The following DLG2 variants were observed in gnomAD, a reference collection of about 807,000 sequenced individuals.
DLG2 encodes discs large MAGUK scaffold protein 2.
Under a neutral mutation model 132.5 loss-of-function variants are expected in DLG2, and 45 were observed. The ratio of observed to expected loss-of-function variants is 0.34; its 90% CI spans 0.27 to 0.44. DLG2 has a LOEUF of 0.44. DLG2 is among the 20% of genes least tolerant of loss of function. The pLI is 1.00. For synonymous variants in DLG2, 424 were observed against 419.6 expected (o/e 1.01, Z -0.13); for missense variants, 1,045 against 1,196.9 (o/e 0.87, Z 1.87).
intron 4 of DLG2, among the ~76,000 whole-genome samples, chr11:85,174,392 A>G (rs2079078576): frequency 6.6e-6 from 1 of 152,222 alleles, no homozygotes; most frequent in African/African-American, 2.4e-5. Context: ...AATGAAATTA[A>G]GGTAGAAATC....
chr11:85,222,417 C>T (rs188183671), intron 4 of DLG2, among the ~76,000 whole-genome samples: 3 of 152,140 alleles, frequency 2.0e-5, no homozygotes, highest in African/African-American at 7.2e-5. Flanking sequence ...GAAAAAACAC[C>T]CACTCTTCTG....
At chr11:85,333,888 G>GTT (rs371521327) in intron 3 of DLG2, among the ~76,000 whole-genome samples, 1 of 144,606 alleles carries the variant, frequency 6.9e-6, no homozygotes. Flanking sequence ...CCTGAAGTTG[G>GTT]TTTTTTTTTT....
chr11:84,140,900 T>C (rs1335054101), intron 9 of DLG2, among the ~76,000 whole-genome samples: 2 of 152,152 alleles, frequency 1.3e-5, no homozygotes, highest in South Asian at 2.1e-4. Flanking sequence ...GGTCACATCT[T>C]AGTGATTTAA....
Position 83,541,753 on chromosome 11 carries a change from C to T in DLG2, c.2046G>A (p.Glu682=), listed in dbSNP as rs780704713. Residue 682 remains glutamate, a synonymous_variant, in exon 20 of 28, where the codon GAG becomes GAA. Coordinates refer to ENST00000376104, the MANE Select transcript of DLG2 (RefSeq NM_001142699.3). ...GCATGACTCTCCTGGCTTGCCACCA[C>T]TCATCATCAGAGGCATTGATAACGT... ...ILHVINASDD[E]WWQARRVMLE... The T allele has an allele frequency of 1.2e-6, 2 of 1,613,348 alleles. No homozygotes were observed. The highest frequency in any genetic ancestry group is 1.3e-5 in the African/African-American group (1 of 74,866).
intron 5 of DLG2, among the ~76,000 whole-genome samples, chr11:85,137,752 C>T (rs61907832): frequency 0.11 from 16,563 of 152,154 alleles, 1,171 homozygotes; most frequent in South Asian, 0.23. Context: ...CTATCCCTGT[C>T]TATCTGTTCC....
intron 18 of DLG2, among the ~76,000 whole-genome samples, chr11:83,683,874 T>C (rs781100949): frequency 2.0e-5 from 3 of 152,106 alleles, no homozygotes; most frequent in African/African-American, 2.4e-5. Context: ...AGATGGGCTT[T>C]CTATAAGAGA....
At chr11:84,879,483 G>A (rs975071446) in intron 6 of DLG2, among the ~76,000 whole-genome samples, 3 of 152,130 alleles carry the variant, frequency 2.0e-5, no homozygotes, top group Admixed American at 1.3e-4. Context: ...AGGGACACTT[G>A]GGAGGAGGCC....
At chr11:84,852,596 GA>G (rs1475852604) in intron 6 of DLG2, among the ~76,000 whole-genome samples, 2 of 151,562 alleles carry the variant, frequency 1.3e-5, no homozygotes, top group East Asian at 3.9e-4. Flanking sequence ...TCAGATACCA[GA>G]AAAAAAGTTC....
At chr11:83,985,759 G>C (rs1261111599) in intron 11 of DLG2, among the ~76,000 whole-genome samples, 1 of 152,038 alleles carries the variant, frequency 6.6e-6, no homozygotes, top group Admixed American at 6.6e-5. Context: ...GTCTATCATT[G>C]ATTGGCATTT....
rs116096847 is a variant in DLG2, at chr11:84,101,382, C to T, written c.625-2335G>A. Among the ~76,000 whole-genome samples the T allele has an allele frequency of 4.1e-3, 623 of 152,142 alleles. 4 individuals are homozygous for T. Among genetic ancestry groups the T allele is most frequent in the African/African-American group, 0.014 (594 of 41,512 alleles). On this transcript the variant is annotated intron_variant, in intron 9 of 27. Transcript: ENST00000376104. ...ATGAAATTGACAAGAGCAGAGTGTA[C>T]GAGAAACCATTTTGGATTTTAAATA...
At chr11:85,406,830 A>G (rs1043832317) in intron 3 of DLG2, among the ~76,000 whole-genome samples, 4 of 151,920 alleles carry the variant, frequency 2.6e-5, no homozygotes, top group Non-Finnish European at 5.9e-5. Flanking sequence ...ATAGTATAAA[A>G]GATGGTGCTA....
intron 3 of DLG2, among the ~76,000 whole-genome samples, chr11:85,379,787 G>A (rs1157297675): frequency 2.6e-5 from 4 of 152,190 alleles, no homozygotes; most frequent in Non-Finnish European, 5.9e-5. Context: ...ACTATACCAT[G>A]TAAGATATGA....
intron 4 of DLG2, among the ~76,000 whole-genome samples, chr11:85,162,486 G>A (rs2078107649): frequency 6.6e-6 from 1 of 152,230 alleles, no homozygotes; most frequent in Non-Finnish European, 1.5e-5. Flanking sequence ...ATCAATACCA[G>A]CTGCAAGAAT....
chr11:84,200,336 G>A (rs2096575910), intron 8 of DLG2, among the ~76,000 whole-genome samples: 1 of 151,978 alleles, frequency 6.6e-6, no homozygotes, highest in Admixed American at 6.6e-5. Context: ...TGGAATTTCA[G>A]ATTTACAGAA....
intron 26 of DLG2, 51 bp from the exon 27 acceptor site, chr11:83,462,144 T>TA (rs35848188): frequency 8.4e-7 from 1 of 1,184,528 alleles, no homozygotes. Context: ...TTCCAAATCC[T>TA]AAAAAATTAA....
chr11:84,523,540 A>T (rs2099310905), intron 7 of DLG2, among the ~76,000 whole-genome samples: 1 of 152,244 alleles, frequency 6.6e-6, no homozygotes, highest in African/African-American at 2.4e-5. Flanking sequence ...AAGAAAAAAG[A>T]ATTGAAAACA....
intron 6 of DLG2, among the ~76,000 whole-genome samples, chr11:84,934,518 T>TTTA (rs2048487771): frequency 1.8e-5 from 1 of 55,736 alleles, no homozygotes; most frequent in Non-Finnish European, 3.2e-5. Flanking sequence ...TTTTTTTGTT[T>TTTA]TGTTTTGTTT....
At chr11:83,851,006 C>T (rs2154029575) in intron 16 of DLG2, among the ~76,000 whole-genome samples, 1 of 152,050 alleles carries the variant, frequency 6.6e-6, no homozygotes, top group African/African-American at 2.4e-5. Context: ...GAAACCCCGT[C>T]TCTACTGAAA....
chr11:83,897,205 G>A (rs912310535), intron 15 of DLG2, among the ~76,000 whole-genome samples: 3 of 152,206 alleles, frequency 2.0e-5, no homozygotes, highest in African/African-American at 7.2e-5. Flanking sequence ...ACATCCAACA[G>A]TGTGGATGTG....
Sources: gnomAD v4.1 joint callset for allele counts (sites outside exome capture counted in the v4.1 genomes callset) on GRCh38, gnomAD v4.1.1 for gene constraint, MANE v1.5 for transcripts, NCBI Gene and HGNC (gene_info 2026-07-23, HGNC 2026-07-21) for gene names.